Variants in XYLT1 observed in about 807,000 individuals in gnomAD.
The protein encoded by XYLT1 is xylosyltransferase 1, also known as beta-D-xylosyltransferase 1.
In XYLT1, 36 loss-of-function variants were observed where a neutral mutation model predicts 91.3. The observed-to-expected ratio is 0.39, with a 90% CI of 0.30 to 0.52. The LOEUF is 0.52. Among genes scored for constraint, XYLT1 ranks in the 20% least tolerant of loss-of-function variants. The pLI is 0.68. For synonymous variants in XYLT1, 588 were observed against 532.0 expected (o/e 1.11, Z -1.45); for missense variants, 1,242 against 1,284.5 (o/e 0.97, Z 0.51).
chr16:17,380,304 C>A (rs1381837039), intron 1 of XYLT1, among the ~76,000 whole-genome samples: 2 of 152,020 alleles, frequency 1.3e-5, no homozygotes, highest in African/African-American at 4.8e-5. Flanking sequence ...AATAAATAAA[C>A]AAATAAATAA....
At chr16:17,233,760 A>G (rs955229652) in intron 3 of XYLT1, among the ~76,000 whole-genome samples, 1 of 152,174 alleles carries the variant, frequency 6.6e-6, no homozygotes, top group Non-Finnish European at 1.5e-5. Context: ...GCTTTACACT[A>G]TCGTGGAGCT....
intron 2 of XYLT1, among the ~76,000 whole-genome samples, chr16:17,339,987 GTCCACCCATCCCTCTATCCA>G (rs893014536): frequency 7.9e-5 from 12 of 151,050 alleles, no homozygotes; most frequent in South Asian, 4.2e-4. Flanking sequence ...ATCACCCCTT[GTCCACCCATCCCTCTATCCA>G]TCCACCCATC....
At position 17,108,958 on chromosome 16, in the gene XYLT1, G is replaced by A. The variant is rs1966816719; in HGVS notation, c.2617C>T (p.Gln873Ter). The change falls in exon 12 of 12, where the codon CAG (glutamine) becomes TAG (stop). Residue 873 changes from glutamine (Q) to a stop codon, truncating the protein, a stop_gained. Transcript: ENST00000261381. LOFTEE classifies it high-confidence loss of function. ...LRNAYMEQSFQSLNPVLSLPI... is the reference protein window; with the variant it reads ...LRNAYMEQSF ...AGGCTGAGGACGGGGTTTAGGCTCT[G>A]GAAGCTCTGCTCCATGTAGGCATTG... The A allele has an allele frequency of 6.3e-7, 1 of 1,583,600 alleles. No homozygotes were observed. Among genetic ancestry groups the A allele is most frequent in the Admixed American group, 1.7e-5 (1 of 58,890 alleles).
chr16:17,259,828 T>A (rs1321874367), intron 2 of XYLT1, among the ~76,000 whole-genome samples: 1 of 152,220 alleles, frequency 6.6e-6, no homozygotes, highest in African/African-American at 2.4e-5. Context: ...AACATTTTGT[T>A]CCAGCGTCCC....
chr16:17,113,136 G>C (rs937388273), intron 11 of XYLT1, among the ~76,000 whole-genome samples: 1 of 150,404 alleles, frequency 6.6e-6, no homozygotes, highest in African/African-American at 2.5e-5. Flanking sequence ...ACCGTGTCTG[G>C]CCTATTTATT....
chr16:17,345,440 G>A (rs766349871), intron 2 of XYLT1, among the ~76,000 whole-genome samples: 2 of 152,244 alleles, frequency 1.3e-5, no homozygotes, highest in Non-Finnish European at 2.9e-5. Context: ...CAGGGATGCA[G>A]GAGGCAGTGC....
intron 2 of XYLT1, among the ~76,000 whole-genome samples, chr16:17,331,171 ACC>A (rs1491290579): frequency 6.6e-6 from 1 of 152,208 alleles, no homozygotes; most frequent in Non-Finnish European, 1.5e-5. Flanking sequence ...GAAGGCAATG[ACC>A]CAACTCTGGA....
chr16:17,128,634 A>C (rs555905897), intron 9 of XYLT1, among the ~76,000 whole-genome samples: 28 of 152,326 alleles, frequency 1.8e-4, no homozygotes, highest in Admixed American at 1.8e-3. Flanking sequence ...CATGATTGCC[A>C]ATCTGAGATA....
chr16:17,455,267 T>C (rs1393697975), intron 1 of XYLT1, among the ~76,000 whole-genome samples: 1 of 152,174 alleles, frequency 6.6e-6, no homozygotes, highest in African/African-American at 2.4e-5. Context: ...TGTTTATTCA[T>C]GATTTCTGCA....
chr16:17,109,380 C>G (rs760114187), intron 11 of XYLT1, among the ~76,000 whole-genome samples: 1 of 152,132 alleles, frequency 6.6e-6, no homozygotes, highest in South Asian at 2.1e-4. Flanking sequence ...AAGGCACTGT[C>G]TCATTTGATA....
chr16:17,453,466 T>A (rs182953260), intron 1 of XYLT1, among the ~76,000 whole-genome samples: 37 of 152,324 alleles, frequency 2.4e-4, no homozygotes, highest in African/African-American at 8.7e-4. Flanking sequence ...ACCCTGTCAG[T>A]GCTAGTGTCC....
intron 11 of XYLT1, among the ~76,000 whole-genome samples, chr16:17,111,568 G>A (rs1966840865): frequency 6.6e-6 from 1 of 152,164 alleles, no homozygotes; most frequent in Non-Finnish European, 1.5e-5. Flanking sequence ...AGGCACCCAG[G>A]ACAGCCTGGA....
In XYLT1 at chr16:17,447,351, C is replaced by T. The variant is rs115558584; in HGVS notation, c.363+23083G>A. Among the ~76,000 whole-genome samples, 429 of 152,328 alleles carry T rather than the reference C, an allele frequency of 2.8e-3. 4 individuals carry two copies. Among genetic ancestry groups the T allele is most frequent in the African/African-American group, 9.9e-3 (410 of 41,586 alleles). ...CACGTGATACATTTCAGGCTTGGGG[C>T]AGAATGTCTGACCTTAGTTTAATCC... is the stretch of plus-strand genomic sequence containing the variant. On this transcript the variant is annotated intron_variant, in intron 1 of 11. Coordinates refer to ENST00000261381, the MANE Select transcript of XYLT1 (RefSeq NM_022166.4).
At chr16:17,352,828 C>A (rs940618082) in intron 2 of XYLT1, among the ~76,000 whole-genome samples, 1 of 152,200 alleles carries the variant, frequency 6.6e-6, no homozygotes, top group African/African-American at 2.4e-5. Flanking sequence ...AGAATGGATG[C>A]TTTCTAGGCA....
intron 1 of XYLT1, among the ~76,000 whole-genome samples, chr16:17,409,458 T>C (rs2036078563): frequency 6.6e-6 from 1 of 152,110 alleles, no homozygotes; most frequent in East Asian, 1.9e-4. Context: ...CCTAGTTCCT[T>C]TTGCCAGGAG....
chr16:17,399,753 C>T (rs1302560690), intron 1 of XYLT1, among the ~76,000 whole-genome samples: 2 of 152,186 alleles, frequency 1.3e-5, no homozygotes, highest in African/African-American at 4.8e-5. Flanking sequence ...TTAATCACTT[C>T]TGCACCCCTG....
intron 2 of XYLT1, among the ~76,000 whole-genome samples, chr16:17,322,261 C>T (rs2034735318): frequency 1.3e-5 from 2 of 152,242 alleles, no homozygotes; most frequent in Admixed American, 6.5e-5. Context: ...GAGAAGGCTA[C>T]CCCAACAGAT....
intron 1 of XYLT1, among the ~76,000 whole-genome samples, chr16:17,373,483 G>A (rs926758542): frequency 2.6e-5 from 4 of 152,174 alleles, no homozygotes; most frequent in African/African-American, 9.6e-5. Context: ...CAAAGTTACC[G>A]TGTAGTACAC....
intron 6 of XYLT1, among the ~76,000 whole-genome samples, chr16:17,148,728 CT>C (rs2031202873): frequency 6.6e-6 from 1 of 152,208 alleles, no homozygotes; most frequent in South Asian, 2.1e-4. Context: ...AAGCTCTTAA[CT>C]ACTCTGCCAT....
Sources: gnomAD v4.1 joint callset for allele counts (sites outside exome capture counted in the v4.1 genomes callset) on GRCh38, gnomAD v4.1.1 for gene constraint, MANE v1.5 for transcripts, NCBI Gene and HGNC (gene_info 2026-07-23, HGNC 2026-07-21) for gene names.